The following KCNQ5 variants were observed in gnomAD, a reference collection of about 807,000 sequenced individuals.
KCNQ5 encodes the protein potassium voltage-gated channel subfamily Q member 5.
KCNQ5 carries 30 observed loss-of-function variants against 98.2 expected under a neutral mutation model. The ratio of observed to expected loss-of-function variants is 0.31; its 90% CI spans 0.23 to 0.41. KCNQ5 has a LOEUF of 0.41. Ranked by LOEUF, KCNQ5 falls within the 10% of genes least tolerant of loss-of-function variation. KCNQ5 has a pLI of 1.00. For missense variants in KCNQ5, 835 were observed against 1,182.5 expected (o/e 0.71, Z 4.31); for synonymous variants, 458 against 449.4 (o/e 1.02, Z -0.24).
chr6:72,799,963 T>C (rs1423753629), intron 1 of KCNQ5, among the ~76,000 whole-genome samples: 3 of 152,190 alleles, frequency 2.0e-5, no homozygotes, highest in Non-Finnish European at 4.4e-5. Context: ...TATTATATCA[T>C]ATGTTCTATT....
intron 1 of KCNQ5, among the ~76,000 whole-genome samples, chr6:72,627,141 A>G (rs1047234056): frequency 1.3e-5 from 2 of 152,220 alleles, no homozygotes; most frequent in Admixed American, 1.3e-4. Context: ...ATAACACTCA[A>G]TAAAATATTT....
intron 1 of KCNQ5, among the ~76,000 whole-genome samples, chr6:72,633,667 T>A (rs1444655576): frequency 6.6e-6 from 1 of 152,166 alleles, no homozygotes; most frequent in Non-Finnish European, 1.5e-5. Flanking sequence ...CAAAACAGTG[T>A]GGTACTCATA....
At chr6:72,983,731 G>A (rs373535872) in intron 1 of KCNQ5, among the ~76,000 whole-genome samples, 11 of 152,246 alleles carry the variant, frequency 7.2e-5, no homozygotes, top group Admixed American at 2.0e-4. Context: ...GAGGCGCTGC[G>A]ATCCTTTGGA....
intron 1 of KCNQ5, among the ~76,000 whole-genome samples, chr6:72,973,420 C>T: frequency 6.6e-6 from 1 of 151,104 alleles, no homozygotes; most frequent in East Asian, 1.9e-4. Context: ...TTTTTTTTTA[C>T]TGGAGGGAAA....
At chr6:73,030,169 G>A (rs935137917) in intron 2 of KCNQ5, among the ~76,000 whole-genome samples, 1 of 152,166 alleles carries the variant, frequency 6.6e-6, no homozygotes, top group Non-Finnish European at 1.5e-5. Flanking sequence ...AATTTTGAAA[G>A]TGTGATTAAT....
At chr6:72,797,251 C>T (rs1484498705) in intron 1 of KCNQ5, among the ~76,000 whole-genome samples, 5 of 152,122 alleles carry the variant, frequency 3.3e-5, no homozygotes, top group Non-Finnish European at 4.4e-5. Context: ...GGTGTGATGG[C>T]TCATGCCTGT....
At chr6:73,076,556 A>AT (rs749500134) in intron 3 of KCNQ5, among the ~76,000 whole-genome samples, 8 of 152,236 alleles carry the variant, frequency 5.3e-5, no homozygotes, top group African/African-American at 9.6e-5. Flanking sequence ...GAAAAGGCAG[A>AT]TTTTTTCAGC....
chr6:73,169,927 C>CTTTT, intron 11 of KCNQ5, 73 bp downstream of exon 11: 1 of 989,290 alleles, frequency 1.0e-6, no homozygotes, highest in African/African-American at 1.6e-5. Flanking sequence ...TTGCTAAGTT[C>CTTTT]TTTTTCTGCA....
At chr6:73,133,246 G>A (rs1776308916) in intron 9 of KCNQ5, among the ~76,000 whole-genome samples, 175 bp from the exon 10 acceptor site, 1 of 152,092 alleles carries the variant, frequency 6.6e-6, no homozygotes, top group South Asian at 2.1e-4. Context: ...TGCAAATATA[G>A]AGATTAGATA....
chr6:72,979,730 T>C (rs1312711121), intron 1 of KCNQ5, among the ~76,000 whole-genome samples: 2 of 152,214 alleles, frequency 1.3e-5, no homozygotes, highest in Admixed American at 6.5e-5. Flanking sequence ...TTTTGATGTT[T>C]TAGTCATGAA....
chr6:73,058,079 T>G (rs1243028544), intron 3 of KCNQ5, among the ~76,000 whole-genome samples: 1 of 152,176 alleles, frequency 6.6e-6, no homozygotes, highest in Non-Finnish European at 1.5e-5. Flanking sequence ...TTATACCATA[T>G]ACAAAAATCA....
intron 1 of KCNQ5, chr6:72,677,082 G>GT (rs1767452088): frequency 6.6e-6 from 1 of 152,066 alleles, no homozygotes; most frequent in Non-Finnish European, 1.5e-5. Context: ...AGTTTACCTT[G>GT]TTTCCCTCTC....
rs147770651 is a variant in KCNQ5 at position 73,021,743 on chromosome 6, C to A, written c.489+17745C>A. Among the ~76,000 whole-genome samples, 20 of 152,280 alleles carry A rather than the reference C, an allele frequency of 1.3e-4. No individual in the cohort carries two copies. In the East Asian group the frequency reaches 3.5e-3, roughly 26 times the overall value. On this transcript the variant is annotated intron_variant, in intron 2 of 13. Transcript: ENST00000370398. ...ATGCCTCCATGGAGACATTAAAATA[C>A]TCTGGTTTCAATTAATCTTGCAATT...
intron 1 of KCNQ5, among the ~76,000 whole-genome samples, chr6:72,689,363 C>T (rs1768102094): frequency 6.6e-6 from 1 of 152,198 alleles, no homozygotes; most frequent in Non-Finnish European, 1.5e-5. Context: ...CAAAAAGAAG[C>T]ATTCTTCGAT....
Position 72,982,809 on chromosome 6 carries a change from C to T in KCNQ5, c.399-21099C>T, listed in dbSNP as rs189050166. Among the ~76,000 whole-genome samples the T allele has an allele frequency of 2.3e-3, 356 of 152,216 alleles. 1 individual carries two copies. The highest frequency in any genetic ancestry group is 2.6e-3 in the Non-Finnish European group (180 of 68,026). ...TTGACGTTTTTGCAGTGTCTGGTAC[C>T]GGTTGTTGCTTTCCATGTTTAGTGC... On this transcript the variant is annotated intron_variant, in intron 1 of 13. Coordinates refer to ENST00000370398, the MANE Select transcript of KCNQ5 (RefSeq NM_019842.4).
At chr6:73,068,355 C>T (rs765206753) in intron 3 of KCNQ5, among the ~76,000 whole-genome samples, 5 of 152,020 alleles carry the variant, frequency 3.3e-5, no homozygotes, top group Non-Finnish European at 7.4e-5. Context: ...ATCCTGCTAT[C>T]CTGCTATGTA....
chr6:73,056,527 G>A (rs886532771), intron 3 of KCNQ5, among the ~76,000 whole-genome samples: 1 of 152,104 alleles, frequency 6.6e-6, no homozygotes, highest in African/African-American at 2.4e-5. Context: ...TACCAATATG[G>A]GGTAAGCTCC....
chr6:72,629,580 A>G (rs1293171808), intron 1 of KCNQ5, among the ~76,000 whole-genome samples: 1 of 152,236 alleles, frequency 6.6e-6, no homozygotes, highest in Non-Finnish European at 1.5e-5. Flanking sequence ...AACAAGAAAG[A>G]TAGCCAGCAG....
At chr6:73,182,861 G>A (rs76660601) in intron 11 of KCNQ5, among the ~76,000 whole-genome samples, 2,967 of 152,266 alleles carry the variant, frequency 0.019, 81 homozygotes, top group African/African-American at 0.067. Flanking sequence ...CAATGAGACT[G>A]ATGTATATAT....
Sources: gnomAD v4.1 joint callset for allele counts (sites outside exome capture counted in the v4.1 genomes callset) on GRCh38, gnomAD v4.1.1 for gene constraint, MANE v1.5 for transcripts, NCBI Gene and HGNC (gene_info 2026-07-23, HGNC 2026-07-21) for gene names.